SLC25A21: variants seen among roughly 807,000 people sequenced by gnomAD.
The protein encoded by SLC25A21 is solute carrier family 25 member 21, also known as mitochondrial 2-oxodicarboxylate carrier.
SLC25A21 carries 47 observed loss-of-function variants against 43.8 expected under a neutral mutation model. That is an observed-to-expected ratio of 1.07 (90% CI 0.85 to 1.37). SLC25A21 has a LOEUF of 1.37. Ranked by LOEUF, SLC25A21 falls within the 40% of genes most tolerant of loss-of-function variation. The probability of loss-of-function intolerance (pLI) is 0.00; values close to 1 mark genes in which losing one functional copy is unlikely to be tolerated. For missense variants in SLC25A21, 352 were observed against 350.2 expected (o/e 1.00, Z -0.04); for synonymous variants, 131 against 121.3 (o/e 1.08, Z -0.52).
Position 36,678,671 on chromosome 14 carries a change from CT to C in SLC25A21, c.*1986del. 8.0e-7 allele frequency: 1 copy of C among 1,254,986 alleles called. No individual in the cohort carries two copies. The highest frequency in any genetic ancestry group is 1.0e-6 in the Non-Finnish European group (1 of 999,748). The allele number at this position is 1,254,986 out of a possible 1,614,324, so 77.7% of individuals were successfully genotyped here. A position where few individuals can be genotyped will look rare whatever the true frequency, so the allele number is the denominator to read the frequency against. On this transcript the variant is annotated 3_prime_UTR_variant, in exon 10 of 10. Transcript: ENST00000331299. Reference sequence around the variant, plus strand: ...AGGGGGCTTTAAAAAATATTACTTGCTTGTGTGGAAATGCAAATAATGTTAT... The same window carrying C: ...AGGGGGCTTTAAAAAATATTACTTGCTGTGTGGAAATGCAAATAATGTTAT...
intron 1 of SLC25A21, among the ~76,000 whole-genome samples, chr14:36,925,801 C>T (rs1272664933): frequency 7.2e-5 from 11 of 152,058 alleles, no homozygotes; most frequent in South Asian, 6.2e-4. Context: ...GGGCTGAGAT[C>T]GTGCCACTGC....
chr14:36,888,690 A>T (rs1035504530), intron 1 of SLC25A21, among the ~76,000 whole-genome samples: 2 of 152,174 alleles, frequency 1.3e-5, no homozygotes, highest in Non-Finnish European at 2.9e-5. Context: ...TTCAACCTTT[A>T]GCCATTCATT....
At chr14:37,059,534 T>C (rs1961899515) in intron 1 of SLC25A21, among the ~76,000 whole-genome samples, 1 of 152,178 alleles carries the variant, frequency 6.6e-6, no homozygotes, top group Non-Finnish European at 1.5e-5. Flanking sequence ...TCTTAAGTTA[T>C]ATAAAGGAGA....
chr14:36,734,637 G>T, intron 3 of SLC25A21, 64 bp from the exon 4 acceptor site: 1 of 1,270,628 alleles, frequency 7.9e-7, no homozygotes, highest in Non-Finnish European at 1.1e-6. Flanking sequence ...TTCTGACTTT[G>T]TTAAGATAAT....
intron 1 of SLC25A21, among the ~76,000 whole-genome samples, chr14:36,875,750 A>C: frequency 6.6e-6 from 1 of 152,220 alleles, no homozygotes; most frequent in Non-Finnish European, 1.5e-5. Flanking sequence ...ACCATTGCTC[A>C]GTGAAAGAAC....
At chr14:36,884,079 C>T (rs1056189076) in intron 1 of SLC25A21, among the ~76,000 whole-genome samples, 1 of 152,122 alleles carries the variant, frequency 6.6e-6, no homozygotes, top group Non-Finnish European at 1.5e-5. Context: ...GTCATGGAAA[C>T]TTATTTCTAC....
At chr14:37,005,423 A>T (rs1042171815) in intron 1 of SLC25A21, among the ~76,000 whole-genome samples, 1 of 152,188 alleles carries the variant, frequency 6.6e-6, no homozygotes, top group Non-Finnish European at 1.5e-5. Context: ...GAGCTACGTC[A>T]GTATTTGTCC....
At chr14:36,976,383 T>C (rs1959872717) in intron 1 of SLC25A21, among the ~76,000 whole-genome samples, 1 of 152,070 alleles carries the variant, frequency 6.6e-6, no homozygotes, top group South Asian at 2.1e-4. Flanking sequence ...CTAACTTCTT[T>C]CAAATATCGT....
At chr14:36,843,925 T>G (rs2138503645) in intron 2 of SLC25A21, among the ~76,000 whole-genome samples, 1 of 152,356 alleles carries the variant, frequency 6.6e-6, no homozygotes, top group African/African-American at 2.4e-5. Flanking sequence ...ACCTGTTGTC[T>G]TTCAAGACAT....
In SLC25A21 at chr14:37,104,524, C is replaced by T. The variant is rs556266685; in HGVS notation, c.70+67757G>A. On this transcript the variant is annotated intron_variant, in intron 1 of 9. Transcript: ENST00000331299. ...GTTTTTACCAAAGCCATTCCTTTGG[C>T]ATTATTTTCTAATCAACATAATACG... Among the ~76,000 whole-genome samples the T allele has an allele frequency of 3.3e-5, 5 of 152,244 alleles. No homozygotes were observed. In the East Asian group the frequency reaches 9.6e-4, roughly 29 times the overall value.
chr14:36,729,552 C>A lies in SLC25A21; in HGVS notation c.285G>T (p.Glu95Asp). 1 of 1,608,880 alleles carries A rather than the reference C, an allele frequency of 6.2e-7. No individual in the cohort carries two copies. Among genetic ancestry groups the A allele is most frequent in the South Asian group, 1.1e-5 (1 of 89,492 alleles). ...PKRAVKFFTF[E>D]QYKKLLGYVS... The stretch of plus-strand genomic sequence containing the variant: ...CATATCCCAGCAATTTCTTGTACTG[C>A]TCAAAGGTGAAAAACTGTGAAACAA... The change falls in exon 5 of 10, where the codon GAG becomes GAT. Residue 95 changes from glutamate (E) to aspartate (D), a missense_variant. Physicochemically the swap from Glu to Asp is conservative, Grantham distance 45. Transcript: ENST00000331299.
chr14:37,072,970 T>C (rs1043692123), intron 1 of SLC25A21, among the ~76,000 whole-genome samples: 15 of 152,236 alleles, frequency 9.9e-5, no homozygotes, highest in African/African-American at 3.6e-4. Context: ...ACATAGGTCC[T>C]GGGACAACGT....
rs10483484 is a variant in SLC25A21, at chr14:37,045,270, A to C, written c.70+127011T>G. On this transcript the variant is annotated intron_variant, in intron 1 of 9. Transcript: ENST00000331299. Reference sequence around the variant, plus strand: ...AAAAGTTTGTGGTGTAATACAGTACAGGTATGTTTTAAATGACTACAATTA... The same window carrying C: ...AAAAGTTTGTGGTGTAATACAGTACCGGTATGTTTTAAATGACTACAATTA... 6.3e-3 allele frequency among the ~76,000 whole-genome samples: 955 copies of C among 152,352 alleles called. 10 individuals carry two copies. The highest frequency in any genetic ancestry group is 0.02 in the African/African-American group (831 of 41,580).
intron 1 of SLC25A21, among the ~76,000 whole-genome samples, chr14:36,901,438 T>C (rs1371487586): frequency 3.9e-5 from 6 of 152,190 alleles, no homozygotes; most frequent in Non-Finnish European, 1.5e-5. Flanking sequence ...AACTATTACC[T>C]ATATAGATTA....
chr14:37,101,199 C>T (rs1363414366), intron 1 of SLC25A21, among the ~76,000 whole-genome samples: 2 of 152,128 alleles, frequency 1.3e-5, no homozygotes, highest in Non-Finnish European at 2.9e-5. Context: ...TAATTTCTCC[C>T]AATACAGATA....
intron 3 of SLC25A21, among the ~76,000 whole-genome samples, chr14:36,758,670 A>G (rs1462884249): frequency 6.6e-6 from 1 of 151,856 alleles, no homozygotes; most frequent in Non-Finnish European, 1.5e-5. Flanking sequence ...CAATGGGAGG[A>G]AGCAGCAATG....
chr14:37,039,548 G>A (rs186081069), intron 1 of SLC25A21, among the ~76,000 whole-genome samples: 11 of 152,182 alleles, frequency 7.2e-5, no homozygotes, highest in Admixed American at 6.5e-4. Flanking sequence ...TTCTTTCTCT[G>A]AGCATAATTG....
chr14:37,010,107 G>T (rs201270152), intron 1 of SLC25A21, among the ~76,000 whole-genome samples: 1 of 152,050 alleles, frequency 6.6e-6, no homozygotes, highest in Non-Finnish European at 1.5e-5. Context: ...CTGAAAATTG[G>T]GAAAACATAA....
At chr14:36,688,500 C>T (rs1289604855) in intron 7 of SLC25A21, among the ~76,000 whole-genome samples, 1 of 152,212 alleles carries the variant, frequency 6.6e-6, no homozygotes, top group African/African-American at 2.4e-5. Context: ...GTCCCCTCTA[C>T]CCAGACCCCT....
Sources: allele counts gnomAD v4.1 joint callset (sites outside exome capture counted in the v4.1 genomes callset), GRCh38; gene constraint gnomAD v4.1.1; transcripts MANE v1.5; gene names NCBI Gene and HGNC (gene_info 2026-07-23, HGNC 2026-07-21).